IQANK1: variants seen among roughly 807,000 people sequenced by gnomAD.
The protein encoded by IQANK1 is IQ motif and ankyrin repeat domain-containing protein 1.
A neutral mutation model predicts 22.6 loss-of-function variants in IQANK1; 30 were observed. That is an observed-to-expected ratio of 1.33 (90% confidence interval 0.99 to 1.80). The LOEUF (loss-of-function observed/expected upper bound fraction) is 1.80, where lower values mean the gene tolerates loss of function less well. Among genes scored for constraint, IQANK1 ranks in the 40% most tolerant of loss-of-function variants. IQANK1 has a pLI of 0.00. For synonymous variants in IQANK1, 122 were observed against 99.6 expected, an observed-to-expected ratio of 1.23 and a Z score of -1.34; for missense variants, 275 against 235.2, an observed-to-expected ratio of 1.17 and a Z score of -1.11.
At chr8:143,779,721 A>G (rs1819758698) in intron 7 of IQANK1, among the ~76,000 whole-genome samples, 1 of 152,186 alleles carries the variant, frequency 6.6e-6, no homozygotes, top group Non-Finnish European at 1.5e-5. Flanking sequence ...GCTTATTTGA[A>G]TCTGTTTCCA....
At position 143,774,452 on chromosome 8, in the gene IQANK1, T is replaced by G. The variant is rs1284926447; in HGVS notation, c.789+1970T>G. ...GGCAGATGAACACCCGAGGAGGTGT[T>G]GCACACCACCTCACACCTCCCAGGA... is the stretch of plus-strand genomic sequence containing the variant. On this transcript the variant is annotated intron_variant, in intron 7 of 13. Transcript: ENST00000527139. The surrounding 1 kb of genome is among the most constrained non-coding windows in gnomAD (Gnocchi z 4.2). 7.2e-5 allele frequency among the ~76,000 whole-genome samples: 11 copies of G among 152,148 alleles called. No homozygotes were observed. The highest frequency in any genetic ancestry group is 1.2e-4 in the Non-Finnish European group (8 of 68,024).
intron 3 of IQANK1, among the ~76,000 whole-genome samples, chr8:143,749,221 TATAA>T (rs1355693704): frequency 2.0e-4 from 22 of 111,168 alleles, no homozygotes; most frequent in South Asian, 1.3e-3. Flanking sequence ...ATATATCATA[TATAA>T]ATATATACCT....
intron 7 of IQANK1, among the ~76,000 whole-genome samples, chr8:143,785,588 C>A (rs2129949798): frequency 6.6e-6 from 1 of 152,016 alleles, no homozygotes; most frequent in East Asian, 1.9e-4. Flanking sequence ...GAGACAGGGT[C>A]TTGCTCTGTC....
intron 7 of IQANK1, among the ~76,000 whole-genome samples, chr8:143,783,593 A>C (rs1554631114): frequency 6.6e-6 from 1 of 152,166 alleles, no homozygotes; most frequent in Admixed American, 6.5e-5. Context: ...AGTAAATTTT[A>C]TCATTCTTTT....
At chr8:143,777,476 A>G (rs1399520675) in intron 7 of IQANK1, among the ~76,000 whole-genome samples, 3 of 144,722 alleles carry the variant, frequency 2.1e-5, no homozygotes, top group Admixed American at 7.0e-5. Context: ...AGCTGAGATC[A>G]TGCCACTGCA....
rs1563777465 is a variant in IQANK1 at position 143,773,327 on chromosome 8, A to AAAAAAACC, written c.789+845_789+846insAAAAAACC. The stretch of plus-strand genomic sequence containing the variant: ...AAAAAAAAAAAAAAACAAAAAAAAC[A>AAAAAAACC]CAAAAAAAACAGAGTCTGCCCTGGG... On this transcript the variant is annotated intron_variant, in intron 7 of 13. Transcript: ENST00000527139. Among the ~76,000 whole-genome samples, 5 of 105,170 alleles carry AAAAAAACC rather than the reference A, an allele frequency of 4.8e-5. No individual in the cohort carries two copies. In the African/African-American group the frequency reaches 6.4e-4, roughly 13 times the overall value. The allele number at this position is 105,170 out of a possible 152,430, so 69.0% of individuals were successfully genotyped here.
chr8:143,747,543 A>C (rs1554627343), intron 3 of IQANK1, among the ~76,000 whole-genome samples: 1 of 152,040 alleles, frequency 6.6e-6, no homozygotes, highest in Non-Finnish European at 1.5e-5. Flanking sequence ...TGCATCTCCT[A>C]AGGTTGGTAT....
At chr8:143,748,830 T>TTCATATATAAATATATAAATATATATATA in intron 3 of IQANK1, among the ~76,000 whole-genome samples, 2 of 84,004 alleles carry the variant, frequency 2.4e-5, no homozygotes, top group South Asian at 1.0e-3. Flanking sequence ...AAATATATAT[T>TTCATATATAAATATATAAATATATATATA]TCATATATAA....
intron 3 of IQANK1, among the ~76,000 whole-genome samples, chr8:143,747,983 C>CCCTTT (rs1819067476): frequency 7.4e-6 from 1 of 135,212 alleles, no homozygotes; most frequent in Admixed American, 7.7e-5. Context: ...CCTTTCCTTT[C>CCCTTT]CCTTTCCTTT....
intron 7 of IQANK1, among the ~76,000 whole-genome samples, chr8:143,772,961 C>T (rs1290698172): frequency 6.6e-6 from 1 of 152,168 alleles, no homozygotes; most frequent in Non-Finnish European, 1.5e-5. Flanking sequence ...AGCCACACAG[C>T]CCAGCCACAG....
At chr8:143,786,246 C>T (rs868987533) in intron 7 of IQANK1, among the ~76,000 whole-genome samples, 16 of 152,278 alleles carry the variant, frequency 1.1e-4, no homozygotes, top group Non-Finnish European at 5.9e-5. Context: ...TTAGGTTTTG[C>T]CATGTATTGG....
chr8:143,759,712 GT>G (rs1819359126), intron 3 of IQANK1: 1 of 152,262 alleles, frequency 6.6e-6, no homozygotes, highest in Admixed American at 6.5e-5. Flanking sequence ...GGTGGGGGCT[GT>G]GCTGGGGATC....
chr8:143,737,478 CCTGTGTGGCGGGCACCGGCTTCACTTGG>C (rs1818773677), intron 2 of IQANK1, among the ~76,000 whole-genome samples: 2 of 152,218 alleles, frequency 1.3e-5, no homozygotes, highest in African/African-American at 2.4e-5. Context: ...CTTGCAGTGC[CCTGTGTGGCGGGCACCGGCTTCACTTGG>C]CAGATGTGAA....
At position 143,747,436 on chromosome 8, in the gene IQANK1, C is replaced by T. The variant is rs576098380; in HGVS notation, c.175+7488C>T. Among the ~76,000 whole-genome samples the T allele has an allele frequency of 8.1e-4, 123 of 152,132 alleles. 1 individual carries two copies. Among genetic ancestry groups the T allele is most frequent in the African/African-American group, 2.8e-3 (118 of 41,500 alleles). ...TTAGTTTGGTCTTCTTTGTGTATTTCCTTAAGTTATAAAGTTAGGTAGGTT... is the reference window on the plus strand; with the variant it reads ...TTAGTTTGGTCTTCTTTGTGTATTTTCTTAAGTTATAAAGTTAGGTAGGTT... On this transcript the variant is annotated intron_variant, in intron 3 of 13. Transcript: ENST00000527139.
chr8:143,766,021 T>C (rs1819475185), intron 3 of IQANK1, among the ~76,000 whole-genome samples: 1 of 152,290 alleles, frequency 6.6e-6, no homozygotes, highest in Non-Finnish European at 1.5e-5. Flanking sequence ...ACGTGGGTGT[T>C]CTGATTTCCC....
At chr8:143,760,932 G>T (rs532780988) in intron 3 of IQANK1, among the ~76,000 whole-genome samples, 1 of 152,124 alleles carries the variant, frequency 6.6e-6, no homozygotes, top group Non-Finnish European at 1.5e-5. Flanking sequence ...GGTGGCATGG[G>T]GTCGACTTTG....
intron 7 of IQANK1, among the ~76,000 whole-genome samples, chr8:143,777,974 C>G (rs1463954780): frequency 3.9e-5 from 6 of 152,126 alleles, no homozygotes; most frequent in African/African-American, 1.4e-4. Flanking sequence ...GCGGGCGGAT[C>G]ACGAGGTCAG....
intron 3 of IQANK1, among the ~76,000 whole-genome samples, chr8:143,740,884 C>T (rs1554626401): frequency 6.6e-6 from 1 of 152,238 alleles, no homozygotes; most frequent in East Asian, 1.9e-4. Flanking sequence ...GGAGCACCTC[C>T]GCGGAAGGCC....
Position 143,774,823 on chromosome 8 carries a change from C to T in IQANK1, c.789+2341C>T, listed in dbSNP as rs890682979. On this transcript the variant is annotated intron_variant, in intron 7 of 13. Coordinates refer to ENST00000527139, the MANE Select transcript of IQANK1 (RefSeq NM_001381874.1). This position sits in a 1 kb window ranked among gnomAD's most constrained non-coding sequence, Gnocchi z 4.2. Reference sequence around the variant, plus strand: ...CCACGAAACACGCTTGGCAATAAAACGGTGTGCACACATGATCCATGCAAC... The same window carrying T: ...CCACGAAACACGCTTGGCAATAAAATGGTGTGCACACATGATCCATGCAAC... Among the ~76,000 whole-genome samples the T allele has an allele frequency of 3.9e-5, 6 of 152,196 alleles. No homozygotes were observed. Among genetic ancestry groups the T allele is most frequent in the African/African-American group, 1.2e-4 (5 of 41,446 alleles).
Sources: allele counts gnomAD v4.1 joint callset (sites outside exome capture counted in the v4.1 genomes callset), GRCh38; gene constraint gnomAD v4.1.1; non-coding constraint Gnocchi (gnomAD v3.1); transcripts MANE v1.5; gene names NCBI Gene and HGNC (gene_info 2026-07-23, HGNC 2026-07-21).